The following PTPRZ1 variants were observed in gnomAD, a reference collection of about 807,000 sequenced individuals.
The protein encoded by PTPRZ1 is receptor-type tyrosine-protein phosphatase zeta.
In PTPRZ1, 82 loss-of-function variants were observed where a neutral mutation model predicts 214.1. The ratio of observed to expected loss-of-function variants is 0.38; its 90% CI spans 0.32 to 0.46. PTPRZ1 has a LOEUF of 0.46. Among genes scored for constraint, PTPRZ1 ranks in the 20% least tolerant of loss-of-function variants. PTPRZ1 has a pLI of 1.00. For synonymous variants in PTPRZ1, 945 were observed against 987.9 expected (o/e 0.96, Z 0.81); for missense variants, 2,603 against 2,748.7 (o/e 0.95, Z 1.19).
intron 2 of PTPRZ1, among the ~76,000 whole-genome samples, 160 bp downstream of exon 2, chr7:121,928,381 C>T (rs192717051): frequency 6.6e-6 from 1 of 152,112 alleles, no homozygotes; most frequent in African/African-American, 2.4e-5. Flanking sequence ...AAAACGATAT[C>T]TTATGGGCTT....
At chr7:122,038,710 C>T (rs369051497) in intron 18 of PTPRZ1, 45 bp from the exon 19 acceptor site, 1 of 1,589,432 alleles carries the variant, frequency 6.3e-7, no homozygotes, top group Non-Finnish European at 8.6e-7. Flanking sequence ...TTAAAGATGA[C>T]ATATAAATCA....
Position 121,963,732 on chromosome 7 carries a change from A to G in PTPRZ1, c.125-4219A>G, listed in dbSNP as rs188425822. Among the ~76,000 whole-genome samples the G allele has an allele frequency of 2.0e-4, 31 of 152,190 alleles. 1 individual carries two copies. Among genetic ancestry groups the G allele is most frequent in the African/African-American group, 7.2e-4 (30 of 41,534 alleles). On this transcript the variant is annotated intron_variant, in intron 2 of 29. Transcript: ENST00000393386. ...AGATAGCTTTGCTTGAATGAGCTCAATTACAATGCAAATACTGAGGTTTAT... is the reference window on the plus strand; with the variant it reads ...AGATAGCTTTGCTTGAATGAGCTCAGTTACAATGCAAATACTGAGGTTTAT...
In PTPRZ1 at chr7:121,882,903, A is replaced by G. The variant is rs369714372; in HGVS notation, c.58+9346A>G. Among the ~76,000 whole-genome samples, 11 of 152,326 alleles carry G rather than the reference A, an allele frequency of 7.2e-5. No individual in the cohort carries two copies. In the East Asian group the frequency reaches 1.7e-3, roughly 24 times the overall value. On this transcript the variant is annotated intron_variant, in intron 1 of 29. Transcript: ENST00000393386. ...GAATGTAATTGGTATAATTGGTAGGACATTGTGCCATTCTCTGGAGTGAGT... is the reference window on the plus strand; with the variant it reads ...GAATGTAATTGGTATAATTGGTAGGGCATTGTGCCATTCTCTGGAGTGAGT...
intron 13 of PTPRZ1, 169 bp from the exon 14 acceptor site, chr7:122,028,383 A>C (rs1799270012): frequency 2.0e-6 from 1 of 493,282 alleles, no homozygotes; most frequent in East Asian, 3.4e-5. Context: ...TTTATAATTT[A>C]ACATCTTGTG....
At position 122,051,971 on chromosome 7, in the gene PTPRZ1, A is replaced by G. The variant is rs372122439; in HGVS notation, c.6252+32A>G. ...CAGAGAAGTCACTGAGGAGACTGCC[A>G]GCTTGTGTTACAGGGATCAAAACCA... On this transcript the variant is annotated intron_variant, in intron 25 of 29. Transcript: ENST00000393386. 50 of 1,553,336 alleles carry G rather than the reference A, an allele frequency of 3.2e-5. No homozygotes were observed. In the African/African-American group the frequency reaches 6.3e-4, roughly 20 times the overall value.
At chr7:122,025,673 T>G (rs1205386921) in intron 13 of PTPRZ1, among the ~76,000 whole-genome samples, 1 of 152,102 alleles carries the variant, frequency 6.6e-6, no homozygotes, top group Non-Finnish European at 1.5e-5. Flanking sequence ...AAATTTGGGT[T>G]AGGTGCAGTG....
At chr7:121,992,364 C>T (rs1043549249) in intron 8 of PTPRZ1, among the ~76,000 whole-genome samples, 2 of 152,178 alleles carry the variant, frequency 1.3e-5, no homozygotes, top group African/African-American at 4.8e-5. Context: ...TTGCATTTCT[C>T]TGTCTCTTTT....
chr7:121,980,844 G>A (rs1235212960), intron 6 of PTPRZ1, among the ~76,000 whole-genome samples: 1 of 152,228 alleles, frequency 6.6e-6, no homozygotes, highest in African/African-American at 2.4e-5. Context: ...TGTGGAAAGT[G>A]TGGTTAAGAA....
At chr7:121,917,201 A>G (rs1209012276) in intron 1 of PTPRZ1, among the ~76,000 whole-genome samples, 1 of 152,240 alleles carries the variant, frequency 6.6e-6, no homozygotes, top group Non-Finnish European at 1.5e-5. Flanking sequence ...CCGATAAAGC[A>G]GTAGATGTAA....
Position 121,968,023 on chromosome 7 carries a change from T to C in PTPRZ1, c.197T>C (p.Ile66Thr), listed in dbSNP as rs1797096440. 6.3e-7 allele frequency: 1 copy of C among 1,594,762 alleles called. No individual in the cohort carries two copies. The highest frequency in any genetic ancestry group is 8.6e-7 in the Non-Finnish European group (1 of 1,164,964). The change falls in exon 3 of 30, where the codon ATT becomes ACT. Residue 66 changes from isoleucine to threonine, a missense_variant. By Grantham distance (89) the Ile-to-Thr change is moderately conservative. Coordinates refer to ENST00000393386, the MANE Select transcript of PTPRZ1 (RefSeq NM_002851.3). ...CNSPKQSPIN[I>T]DEDLTQVNVN... ...AGCCCAAAACAATCTCCTATCAATA[T>C]TGATGAAGATCTTACACAAGTAAAT...
Position 122,038,741 on chromosome 7 carries a change from A to G in PTPRZ1, c.5368-14A>G. On this transcript the variant is annotated splice_polypyrimidine_tract_variant and intron_variant, in intron 18 of 29. Transcript: ENST00000393386. ...AATCAGTTAGTAGGAAACATTTGTC[A>G]TTTAATTCTTCAGGGCTACAACAGA... 6.2e-7 allele frequency: 1 copy of G among 1,611,748 alleles called. No individual in the cohort carries two copies.
intron 1 of PTPRZ1, among the ~76,000 whole-genome samples, chr7:121,918,049 A>C (rs1186461887): frequency 6.6e-6 from 1 of 151,850 alleles, no homozygotes; most frequent in East Asian, 1.9e-4. Context: ...ACCGGCTAAA[A>C]AAAAAAAAAA....
chr7:121,928,070 A>C, intron 1 of PTPRZ1, 86 bp from the exon 2 acceptor site: 1 of 946,736 alleles, frequency 1.1e-6, no homozygotes, highest in Middle Eastern at 2.4e-4. Context: ...ATCAAGAACT[A>C]TTTATGGTAT....
intron 17 of PTPRZ1, among the ~76,000 whole-genome samples, chr7:122,036,081 T>TAACCAAA (rs926202582): frequency 4.6e-5 from 7 of 152,190 alleles, no homozygotes; most frequent in African/African-American, 1.7e-4. Flanking sequence ...CTGTTTGCTG[T>TAACCAAA]AACCATTCAC....
Position 122,061,334 on chromosome 7 carries a change from C to A in PTPRZ1, c.*114C>A. The A allele has an allele frequency of 9.3e-7, 1 of 1,079,094 alleles. No homozygotes were observed. The allele number at this position is 1,079,094 out of a possible 1,614,324, so 66.8% of individuals were successfully genotyped here. ...TTGATTTCCCATCACCTGACAGTAA[C>A]TTTCATGACATAGGATTCTGCCGCC... On this transcript the variant is annotated 3_prime_UTR_variant, in exon 30 of 30. Transcript: ENST00000393386.
intron 26 of PTPRZ1, among the ~76,000 whole-genome samples, chr7:122,054,717 A>G (rs1383485710): frequency 6.6e-6 from 1 of 152,094 alleles, no homozygotes. Context: ...TGATAAGCTA[A>G]GAGCATAAAA....
intron 1 of PTPRZ1, among the ~76,000 whole-genome samples, chr7:121,892,258 T>C (rs1392930562): frequency 6.6e-6 from 1 of 152,144 alleles, no homozygotes; most frequent in East Asian, 1.9e-4. Flanking sequence ...GCAAATAAAA[T>C]TATTTGGTTA....
chr7:121,914,770 G>C (rs1338507815), intron 1 of PTPRZ1, among the ~76,000 whole-genome samples: 2 of 152,078 alleles, frequency 1.3e-5, no homozygotes, highest in African/African-American at 4.8e-5. Context: ...TTTTCTTCTT[G>C]AGGGTTTTTA....
At chr7:122,040,005 A>AT (rs1799671905) in intron 20 of PTPRZ1, among the ~76,000 whole-genome samples, 1 of 152,100 alleles carries the variant, frequency 6.6e-6, no homozygotes, top group African/African-American at 2.4e-5. Context: ...GAAAAAAAAA[A>AT]AGAATTCTTA....
Sources: allele counts gnomAD v4.1 joint callset (sites outside exome capture counted in the v4.1 genomes callset), GRCh38; gene constraint gnomAD v4.1.1; transcripts MANE v1.5; gene names NCBI Gene and HGNC (gene_info 2026-07-23, HGNC 2026-07-21).